Variants in LTBP1 observed in about 807,000 individuals in gnomAD.
The protein encoded by LTBP1 is latent transforming growth factor beta binding protein 1.
LTBP1 carries 129 observed loss-of-function variants against 207.6 expected under a neutral mutation model. The observed-to-expected ratio is 0.62, with a 90% CI of 0.54 to 0.72. LTBP1 has a LOEUF of 0.72. LTBP1 is among the 30% of genes least tolerant of loss of function. The pLI, the probability that LTBP1 is intolerant of heterozygous loss-of-function variation, is 0.00. For synonymous variants in LTBP1, 963 were observed against 833.7 expected, an observed-to-expected ratio of 1.16 and a Z score of -2.67; for missense variants, 2,281 against 2,217.2, an observed-to-expected ratio of 1.03 and a Z score of -0.58.
At chr2:33,008,195 A>G (rs1418686328) in intron 2 of LTBP1, among the ~76,000 whole-genome samples, 1 of 152,242 alleles carries the variant, frequency 6.6e-6, no homozygotes, top group East Asian at 1.9e-4. Flanking sequence ...TTTCAAACAG[A>G]TTATACATGT....
At chr2:33,219,482 G>A (rs1435893774) in intron 8 of LTBP1, among the ~76,000 whole-genome samples, 3 of 152,068 alleles carry the variant, frequency 2.0e-5, no homozygotes, top group Non-Finnish European at 2.9e-5. Context: ...TTGCTATTGA[G>A]TCTTAGAGCT....
At chr2:33,284,613 C>G (rs934311401) in intron 19 of LTBP1, among the ~76,000 whole-genome samples, 10 of 152,134 alleles carry the variant, frequency 6.6e-5, no homozygotes, top group African/African-American at 2.4e-4. Flanking sequence ...GGGAAGCCAC[C>G]CTGTCAGGTA....
At chr2:33,264,971 AGTCTG>A (rs1468028802) in intron 15 of LTBP1, among the ~76,000 whole-genome samples, 2 of 152,146 alleles carry the variant, frequency 1.3e-5, no homozygotes, top group African/African-American at 2.4e-5. Flanking sequence ...TCTGAGTCTG[AGTCTG>A]AAGGCCTGGA....
chr2:33,346,210 A>G (rs1290179160), intron 25 of LTBP1, among the ~76,000 whole-genome samples: 3 of 152,246 alleles, frequency 2.0e-5, no homozygotes, highest in Non-Finnish European at 1.5e-5. Context: ...ATGAGTATCT[A>G]TAGGAGTCTT....
chr2:33,323,432 T>A (rs2094384335), intron 24 of LTBP1, among the ~76,000 whole-genome samples: 1 of 151,914 alleles, frequency 6.6e-6, no homozygotes, highest in South Asian at 2.1e-4. Context: ...AAGTCAGGAG[T>A]TCGAGACCAG....
intron 2 of LTBP1, among the ~76,000 whole-genome samples, chr2:32,978,575 T>C (rs1682207175): frequency 6.6e-6 from 1 of 152,180 alleles, no homozygotes; most frequent in African/African-American, 2.4e-5. Flanking sequence ...AATGATCTTT[T>C]TAATGTTTTG....
intron 24 of LTBP1, among the ~76,000 whole-genome samples, chr2:33,335,500 G>A (rs115536740): frequency 0.025 from 3,780 of 152,262 alleles, 54 homozygotes; most frequent in Middle Eastern, 0.088. Flanking sequence ...GACCTCAGTG[G>A]ACCTTTTTTA....
intron 12 of LTBP1, among the ~76,000 whole-genome samples, chr2:33,258,546 C>A (rs1454806180): frequency 1.3e-5 from 2 of 152,232 alleles, no homozygotes; most frequent in East Asian, 3.9e-4. Context: ...GCAGAACAGG[C>A]AAAACCTCAG....
At chr2:33,061,248 G>T (rs1475218451) in intron 3 of LTBP1, among the ~76,000 whole-genome samples, 2 of 152,078 alleles carry the variant, frequency 1.3e-5, no homozygotes, top group Non-Finnish European at 2.9e-5. Flanking sequence ...AGACTAAGAT[G>T]CACACATCAT....
intron 10 of LTBP1, among the ~76,000 whole-genome samples, chr2:33,251,421 G>T (rs1235378840): frequency 7.2e-5 from 11 of 152,156 alleles, no homozygotes; most frequent in Non-Finnish European, 1.6e-4. Flanking sequence ...AGCACTTTGG[G>T]AGGCCGAGGC....
chr2:33,170,088 G>A (rs1403144359), intron 5 of LTBP1, among the ~76,000 whole-genome samples: 2 of 152,224 alleles, frequency 1.3e-5, no homozygotes, highest in African/African-American at 2.4e-5. Context: ...CAGAAGACGG[G>A]TGATTTCTGC....
At chr2:33,082,449 T>A (rs1261999501) in intron 3 of LTBP1, among the ~76,000 whole-genome samples, 4 of 135,300 alleles carry the variant, frequency 3.0e-5, no homozygotes, top group African/African-American at 5.6e-5. Flanking sequence ...TTTTTTTTTT[T>A]TTTTTTTTTT....
chr2:33,393,119 G>C (rs2095329207), intron 32 of LTBP1, among the ~76,000 whole-genome samples: 1 of 151,776 alleles, frequency 6.6e-6, no homozygotes, highest in Non-Finnish European at 1.5e-5. Flanking sequence ...TGTCATGGGG[G>C]TTAGTGGTAC....
chr2:32,965,418 C>G (rs941197992), intron 2 of LTBP1, among the ~76,000 whole-genome samples: 4 of 152,218 alleles, frequency 2.6e-5, no homozygotes, highest in South Asian at 4.1e-4. Context: ...TAATAACATA[C>G]ATCTACAGTA....
At chr2:33,133,030 T>C (rs1187843508) in intron 4 of LTBP1, among the ~76,000 whole-genome samples, 1 of 152,120 alleles carries the variant, frequency 6.6e-6, no homozygotes, top group Non-Finnish European at 1.5e-5. Context: ...CTTTTGTGGG[T>C]AATGAGCTGC....
At chr2:33,251,029 C>T (rs376061015) in intron 10 of LTBP1, among the ~76,000 whole-genome samples, 5 of 152,172 alleles carry the variant, frequency 3.3e-5, no homozygotes, top group Admixed American at 6.5e-5. Flanking sequence ...AAGCAAGCCA[C>T]GTAGAGACCC....
intron 7 of LTBP1, among the ~76,000 whole-genome samples, chr2:33,202,383 A>G (rs1018033213): frequency 9.2e-5 from 14 of 152,114 alleles, no homozygotes; most frequent in Non-Finnish European, 1.9e-4. Context: ...GCACTTTGGA[A>G]ATCTTTTCTC....
chr2:33,259,051 T>C (rs757095293), intron 12 of LTBP1, among the ~76,000 whole-genome samples: 1 of 152,210 alleles, frequency 6.6e-6, no homozygotes, highest in African/African-American at 2.4e-5. Flanking sequence ...TTTTTCGTAA[T>C]TTAGTTAGCA....
Position 33,053,054 on chromosome 2 carries a change from C to T in LTBP1, c.863+31848C>T, listed in dbSNP as rs149014775. Among the ~76,000 whole-genome samples the T allele has an allele frequency of 2.6e-4, 39 of 152,126 alleles. 1 individual carries two copies. In the East Asian group the frequency reaches 4.8e-3, roughly 19 times the overall value. On this transcript the variant is annotated intron_variant, in intron 3 of 33. Transcript: ENST00000404816. ...CCCAGCTAATTTTTGCATTTTTAAT[C>T]GAGACGGGGTTTCACTATGTTGGTC...
Sources: allele counts gnomAD v4.1 joint callset (sites outside exome capture counted in the v4.1 genomes callset), GRCh38; gene constraint gnomAD v4.1.1; transcripts MANE v1.5; gene names NCBI Gene and HGNC (gene_info 2026-07-23, HGNC 2026-07-21).